Variants in CRNKL1 observed in about 807,000 individuals in gnomAD.
CRNKL1 encodes the protein crooked neck-like protein 1.
CRNKL1 carries 35 observed loss-of-function variants against 103.7 expected under a neutral mutation model. That is an observed-to-expected ratio of 0.34 (90% CI 0.26 to 0.45). The LOEUF (loss-of-function observed/expected upper bound fraction) is 0.45, where lower values mean the gene tolerates loss of function less well. Among genes scored for constraint, CRNKL1 ranks in the 20% least tolerant of loss-of-function variants. The pLI is 1.00. For synonymous variants in CRNKL1, 267 were observed against 282.6 expected, an observed-to-expected ratio of 0.94 and a Z score of 0.55; for missense variants, 645 against 836.0, an observed-to-expected ratio of 0.77 and a Z score of 2.82.
At chr20:20,052,171 C>T (rs1438362389) in intron 1 of CRNKL1, 121 bp downstream of exon 1, 2 of 860,000 alleles carry the variant, frequency 2.3e-6, no homozygotes, top group Non-Finnish European at 3.5e-6. Flanking sequence ...CCCTTCCTCT[C>T]CATCTCTCAG....
Position 20,042,440 on chromosome 20 carries a change from C to T in CRNKL1, c.1049G>A (p.Arg350Lys), listed in dbSNP as rs2043530208. 1 of 1,614,160 alleles carries T rather than the reference C, an allele frequency of 6.2e-7. No individual in the cohort carries two copies. The highest frequency in any genetic ancestry group is 1.7e-5 in the Admixed American group (1 of 60,026). The change falls in exon 8 of 14, where the codon AGA becomes AAA. Residue 350 changes from arginine (R) to lysine (K), a missense_variant. Arg to Lys is a conservative substitution (Grantham distance 26). This residue lies in a region of CRNKL1 where 582 missense variants were observed against 707.7 expected (regional missense o/e 0.82). Transcript: ENST00000536226. The stretch of plus-strand genomic sequence containing the variant: ...GGCAATGGCCCTTTCATAGACTTCT[C>T]TCACGGCTTCAGCTTCTGCGTCACT... Reference protein sequence around the residue: ...VESDAEAEAVREVYERAIANV... With the variant: ...VESDAEAEAVKEVYERAIANV...
At chr20:20,048,284 C>A (rs2043626665) in intron 4 of CRNKL1, 59 bp downstream of exon 4, 1 of 1,559,526 alleles carries the variant, frequency 6.4e-7, no homozygotes, top group Admixed American at 1.7e-5. Context: ...AAAATAAATA[C>A]AGAAGATGTG....
intron 12 of CRNKL1, among the ~76,000 whole-genome samples, chr20:20,038,013 G>C (rs1369798817): frequency 1.3e-5 from 2 of 151,832 alleles, no homozygotes; most frequent in Non-Finnish European, 2.9e-5. Context: ...CTTGAACCTG[G>C]GAGGCGGAGG....
rs1227006187 is a variant in CRNKL1, at chr20:20,037,503, T to C, written c.1716A>G (p.Gln572=). The C allele has an allele frequency of 1.9e-6, 3 of 1,614,072 alleles. No individual in the cohort carries two copies. Among genetic ancestry groups the C allele is most frequent in the Non-Finnish European group, 2.5e-6 (3 of 1,180,042 alleles). ...GKEGSLTKCR[Q]IYEEANKTMR... is the part of the protein sequence containing the mutation. Reference sequence around the variant, plus strand: ...TGGTTTTGTTAGCTTCTTCATAAATTTGTCTGCATTTAGTCAAACTTCCTT... The same window carrying C: ...TGGTTTTGTTAGCTTCTTCATAAATCTGTCTGCATTTAGTCAAACTTCCTT... The change falls in exon 13 of 14, where the codon CAA becomes CAG. Residue 572 remains glutamine (Q), a synonymous_variant. Transcript: ENST00000536226.
upstream of CRNKL1, among the ~76,000 whole-genome samples, chr20:20,054,218 A>G (rs1568780174): frequency 1.3e-5 from 2 of 151,670 alleles, no homozygotes; most frequent in African/African-American, 4.8e-5. Flanking sequence ...CAGTCTTTGT[A>G]TGAAATTGTC....
intron 1 of CRNKL1, 110 bp downstream of exon 1, chr20:20,052,182 G>C: frequency 1.1e-6 from 1 of 941,042 alleles, no homozygotes. Context: ...CATCTCTCAG[G>C]GTGAGCCTTC....
chr20:20,047,267 C>T (rs1177190579), intron 5 of CRNKL1, among the ~76,000 whole-genome samples: 2 of 152,188 alleles, frequency 1.3e-5, no homozygotes, highest in Non-Finnish European at 1.5e-5. Context: ...GAAAAAAGTG[C>T]TTCTGTATTG....
intron 2 of CRNKL1, among the ~76,000 whole-genome samples, chr20:20,049,857 G>T (rs1319130207): frequency 6.7e-6 from 1 of 148,276 alleles, no homozygotes; most frequent in South Asian, 2.1e-4. Context: ...TTGCTCTGTC[G>T]CCCAGGCTGG....
rs778892600 is a variant in CRNKL1 at position 20,035,464 on chromosome 20, C to T, written c.*731G>A. On this transcript the variant is annotated 3_prime_UTR_variant, in exon 14 of 14. Transcript: ENST00000536226. ...TCAACCACTCTGGAGAACTGATGAG[C>T]GCCTAACTGAAATTATTAGACTAAA... 2 of 152,136 alleles carry T rather than the reference C, an allele frequency of 1.3e-5. No individual in the cohort carries two copies. The highest frequency in any genetic ancestry group is 2.9e-5 in the Non-Finnish European group (2 of 68,018). 9.4% of individuals were successfully genotyped at this position (152,136 alleles called of 1,614,324 possible).
At chr20:20,051,309 G>C (rs1238039401) in intron 1 of CRNKL1, among the ~76,000 whole-genome samples, 1 of 152,008 alleles carries the variant, frequency 6.6e-6, no homozygotes, top group Non-Finnish European at 1.5e-5. Context: ...ATAATATTTT[G>C]GATACATTAG....
At chr20:20,048,604 C>T in intron 3 of CRNKL1, 103 bp from the exon 4 acceptor site, 1 of 1,170,956 alleles carries the variant, frequency 8.5e-7, no homozygotes, top group Non-Finnish European at 1.2e-6. Context: ...TAGGTGTCTA[C>T]CATGAGCCAA....
At chr20:20,041,663 T>C in intron 8 of CRNKL1, 38 bp from the exon 9 acceptor site, 1 of 1,474,926 alleles carries the variant, frequency 6.8e-7, no homozygotes, top group Non-Finnish European at 9.5e-7. Context: ...AATATTGAAG[T>C]CTGCTGCTAA....
upstream of CRNKL1, chr20:20,052,866 T>A: frequency 1.3e-6 from 1 of 757,780 alleles, no homozygotes; most frequent in Non-Finnish European, 2.1e-6. Flanking sequence ...TGCATTCTAG[T>A]AGTCTCTGGG....
Position 20,039,552 on chromosome 20 carries a change from TA to T in CRNKL1, c.1545+56del. 3 of 1,597,276 alleles carry T rather than the reference TA, an allele frequency of 1.9e-6. No individual in the cohort carries two copies. The South Asian group carries it at 3.4e-5, about 18-fold the overall frequency. On this transcript the variant is annotated intron_variant, in intron 11 of 13. Coordinates refer to ENST00000536226, the MANE Select transcript of CRNKL1 (RefSeq NM_001278628.2). ...ATACACCCACATTTAGATGGTCATC[TA>T]AAGTAAGACTAAACACGTATCTCAA...
rs1254291813 is a variant in CRNKL1 at position 20,037,376 on chromosome 20, T to G, written c.1843A>C (p.Lys615Gln). 6.2e-7 allele frequency: 1 copy of G among 1,614,206 alleles called. No homozygotes were observed. Among genetic ancestry groups the G allele is most frequent in the Admixed American group, 1.7e-5 (1 of 60,032 alleles). Residue 615 changes from lysine (K) to glutamine (Q), a missense_variant, in exon 13 of 14, where the codon AAA becomes CAA. Transcript: ENST00000536226. Reference protein sequence around the residue: ...GTASDKERVDKLMPEKVKKRR... With the variant: ...GTASDKERVDQLMPEKVKKRR... ...TTCTTGACTTTCTCTGGCATGAGTT[T>G]GTCTACTCTCTCCTTATCTGAAGCT...
rs187766794 is a variant in CRNKL1, at chr20:20,035,127, A to G, written c.*1068T>C. 15 of 152,342 alleles carry G rather than the reference A, an allele frequency of 9.8e-5. No individual in the cohort carries two copies. The highest frequency in any genetic ancestry group is 1.9e-4 in the Non-Finnish European group (13 of 68,032). 9.4% of individuals were successfully genotyped at this position (152,342 alleles called of 1,614,324 possible). On this transcript the variant is annotated 3_prime_UTR_variant, in exon 14 of 14. Coordinates refer to ENST00000536226, the MANE Select transcript of CRNKL1 (RefSeq NM_001278628.2). ...AGAGCTACCTTAGGTGTTTCTACAC[A>G]TGCTCTAAACCAAGAGTAAGTTTAA...
At position 20,039,606 on chromosome 20, in the gene CRNKL1, C is replaced by G; in HGVS notation, c.1545+3G>C. 1 of 1,612,994 alleles carries G rather than the reference C, an allele frequency of 6.2e-7. No individual in the cohort carries two copies. The highest frequency in any genetic ancestry group is 8.5e-7 in the Non-Finnish European group (1 of 1,179,386). The stretch of plus-strand genomic sequence containing the variant: ...AAAATTATATTTGACTTGAGATGCT[C>G]ACCTCTGGCATGTCTAAACGTGGCT... On this transcript the variant is annotated splice_donor_region_variant and intron_variant, in intron 11 of 13. Transcript: ENST00000536226.
Position 20,035,997 on chromosome 20 carries a change from C to T in CRNKL1, c.*198G>A, listed in dbSNP as rs79118662. The T allele has an allele frequency of 7.0e-3, 3,760 of 539,376 alleles. 108 individuals are homozygous for T. Among genetic ancestry groups the T allele is most frequent in the East Asian group, 0.056 (1,809 of 32,248 alleles). 33.4% of individuals were successfully genotyped at this position (539,376 alleles called of 1,614,324 possible). On this transcript the variant is annotated 3_prime_UTR_variant, in exon 14 of 14. Coordinates refer to ENST00000536226, the MANE Select transcript of CRNKL1 (RefSeq NM_001278628.2). ...TTGGACTCAGTTGGAAAAACAAATC[C>T]AGCAGTTAAAAAAGTCCTTTACTTG...
intron 3 of CRNKL1, among the ~76,000 whole-genome samples, chr20:20,048,753 T>C (rs1161879426): frequency 1.3e-5 from 2 of 152,046 alleles, no homozygotes; most frequent in African/African-American, 2.4e-5. Context: ...GAGGAAGAAA[T>C]GAAAATGTTT....
Sources: allele counts gnomAD v4.1 joint callset (sites outside exome capture counted in the v4.1 genomes callset), GRCh38; gene constraint gnomAD v4.1.1; regional missense constraint gnomAD v4.1.1; transcripts MANE v1.5; gene names NCBI Gene and HGNC (gene_info 2026-07-23, HGNC 2026-07-21).